The following SPOCK1 variants were observed in gnomAD, a reference collection of about 807,000 sequenced individuals.
SPOCK1 encodes testican-1.
In SPOCK1, 23 loss-of-function variants were observed where a neutral mutation model predicts 55.3. The ratio of observed to expected loss-of-function variants is 0.42; its 90% CI spans 0.30 to 0.59. The LOEUF is 0.59. Ranked by LOEUF, SPOCK1 falls within the 20% of genes least tolerant of loss-of-function variation. The probability of loss-of-function intolerance (pLI) is 0.22; values close to 1 mark genes in which losing one functional copy is unlikely to be tolerated. For missense variants in SPOCK1, 499 were observed against 552.5 expected (o/e 0.90, Z 0.97); for synonymous variants, 226 against 221.0 (o/e 1.02, Z -0.20).
At chr5:137,024,223 G>A (rs1351578655) in intron 6 of SPOCK1, among the ~76,000 whole-genome samples, 5 of 151,032 alleles carry the variant, frequency 3.3e-5, no homozygotes, top group Non-Finnish European at 4.4e-5. Context: ...GAGAGAGTGC[G>A]GCCGAGGGTG....
rs143333860 is a variant in SPOCK1, at chr5:137,281,802, G to A, written c.187-14747C>T. ...ATTATTTGGGAACAATACCGTGTGG[G>A]TTATTGTCGAGCTGCCCATCACAGC... On this transcript the variant is annotated intron_variant, in intron 2 of 10. Transcript: ENST00000394945. Among the ~76,000 whole-genome samples the A allele has an allele frequency of 9.2e-4, 140 of 152,282 alleles. 1 individual carries two copies. Among genetic ancestry groups the A allele is most frequent in the African/African-American group, 3.2e-3 (132 of 41,554 alleles).
chr5:137,476,526 AACATTTT>A lies in SPOCK1; in HGVS notation c.186+21840_186+21846del, dbSNP rs1753840972. Among the ~76,000 whole-genome samples, 6 of 152,350 alleles carry A rather than the reference AACATTTT, an allele frequency of 3.9e-5. No homozygotes were observed. The South Asian group carries it at 1.2e-3, about 32-fold the overall frequency. On this transcript the variant is annotated intron_variant, in intron 2 of 10. Coordinates refer to ENST00000394945, the MANE Select transcript of SPOCK1 (RefSeq NM_004598.4). ...TTGAGACCTTAAGGGAGGGGACCTT[AACATTTT>A]CTAGGGGTGTCAGTGATGTCCTTGG... is the stretch of plus-strand genomic sequence containing the variant.
At chr5:137,286,637 T>C (rs1757272064) in intron 2 of SPOCK1, among the ~76,000 whole-genome samples, 1 of 152,152 alleles carries the variant, frequency 6.6e-6, no homozygotes, top group African/African-American at 2.4e-5. Flanking sequence ...CAGGGGAGAC[T>C]GCAGCCTAGA....
intron 2 of SPOCK1, among the ~76,000 whole-genome samples, chr5:137,458,553 T>G (rs1037412527): frequency 6.6e-6 from 1 of 152,216 alleles, no homozygotes; most frequent in African/African-American, 2.4e-5. Flanking sequence ...GCTTTTATGG[T>G]AAGATATGGT....
chr5:137,164,001 G>A (rs1754604939), intron 3 of SPOCK1, among the ~76,000 whole-genome samples: 1 of 152,110 alleles, frequency 6.6e-6, no homozygotes, highest in African/African-American at 2.4e-5. Context: ...CACCTTGTTT[G>A]AAATGTAAAT....
At chr5:137,126,236 T>C (rs78236176) in intron 4 of SPOCK1, among the ~76,000 whole-genome samples, 6,610 of 152,292 alleles carry the variant, frequency 0.043, 487 homozygotes, top group African/African-American at 0.15. Flanking sequence ...ACCCTTGCCA[T>C]GTGATGCTGC....
chr5:137,129,070 C>T (rs893259282), intron 4 of SPOCK1, among the ~76,000 whole-genome samples: 1 of 152,248 alleles, frequency 6.6e-6, no homozygotes, highest in Non-Finnish European at 1.5e-5. Context: ...CTGAAAGCCA[C>T]ACAAAACATC....
intron 3 of SPOCK1, among the ~76,000 whole-genome samples, chr5:137,253,994 T>C (rs183189878): frequency 1.3e-5 from 2 of 152,226 alleles, no homozygotes; most frequent in East Asian, 3.8e-4. Context: ...TGCCTTGCTA[T>C]GAGAACAGAA....
At chr5:137,334,044 T>G (rs1219956722) in intron 2 of SPOCK1, among the ~76,000 whole-genome samples, 2 of 152,226 alleles carry the variant, frequency 1.3e-5, no homozygotes, top group Middle Eastern at 3.4e-3. Context: ...CCCCATGGAG[T>G]CCTATTCTCT....
Position 137,112,566 on chromosome 5 carries a change from A to G in SPOCK1, c.348-5T>C. ...GCCACGTTCCCCTTCTTTTGCCTAA[A>G]GATGAGAAAAAAGGGGATAAATTAG... is the stretch of plus-strand genomic sequence containing the variant. On this transcript the variant is annotated splice_polypyrimidine_tract_variant and splice_region_variant and intron_variant, in intron 4 of 10. Coordinates refer to ENST00000394945, the MANE Select transcript of SPOCK1 (RefSeq NM_004598.4). The G allele has an allele frequency of 1.2e-6, 2 of 1,612,450 alleles. No individual in the cohort carries two copies. Among genetic ancestry groups the G allele is most frequent in the African/African-American group, 2.7e-5 (2 of 74,834 alleles).
intron 2 of SPOCK1, among the ~76,000 whole-genome samples, chr5:137,345,710 C>A (rs561877996): frequency 6.6e-6 from 1 of 152,274 alleles, no homozygotes; most frequent in Non-Finnish European, 1.5e-5. Context: ...GGGCTGAGCC[C>A]AGGAATGTGT....
intron 6 of SPOCK1, among the ~76,000 whole-genome samples, chr5:137,016,827 G>T (rs1358846821): frequency 4.6e-5 from 7 of 152,238 alleles, no homozygotes; most frequent in Non-Finnish European, 1.0e-4. Context: ...GCCTACTATG[G>T]CCTCACGTTC....
At chr5:137,386,658 C>T (rs1014497007) in intron 2 of SPOCK1, among the ~76,000 whole-genome samples, 2 of 152,084 alleles carry the variant, frequency 1.3e-5, no homozygotes, top group Non-Finnish European at 2.9e-5. Context: ...AAAATTAACT[C>T]AAAATGGATC....
At chr5:137,001,381 A>G (rs2126968985) in intron 6 of SPOCK1, among the ~76,000 whole-genome samples, 1 of 152,372 alleles carries the variant, frequency 6.6e-6, no homozygotes, top group Non-Finnish European at 1.5e-5. Flanking sequence ...GAAGCCATCC[A>G]GCAAGATAGG....
intron 3 of SPOCK1, among the ~76,000 whole-genome samples, chr5:137,257,109 C>T (rs1388190894): frequency 2.0e-5 from 3 of 152,172 alleles, no homozygotes; most frequent in Admixed American, 2.0e-4. Context: ...CTGCATCAGG[C>T]CCATCTTGCT....
intron 2 of SPOCK1, among the ~76,000 whole-genome samples, chr5:137,473,292 AAAGATCTTGAT>A (rs1753774137): frequency 6.6e-6 from 1 of 152,220 alleles, no homozygotes; most frequent in Non-Finnish European, 1.5e-5. Flanking sequence ...AAAGAGTGCG[AAAGATCTTGAT>A]AAATTGCTAT....
intron 3 of SPOCK1, among the ~76,000 whole-genome samples, chr5:137,181,277 T>C (rs551644803): frequency 2.6e-5 from 4 of 152,176 alleles, no homozygotes; most frequent in Non-Finnish European, 5.9e-5. Flanking sequence ...AGTCTGCAGA[T>C]AGAACATGAA....
chr5:137,232,578 C>T (rs751388833), intron 3 of SPOCK1, among the ~76,000 whole-genome samples: 6 of 152,218 alleles, frequency 3.9e-5, no homozygotes, highest in Non-Finnish European at 7.3e-5. Flanking sequence ...GTCTTGATTA[C>T]TGTAGCTATA....
intron 2 of SPOCK1, among the ~76,000 whole-genome samples, chr5:137,470,234 C>G (rs968373715): frequency 5.3e-5 from 8 of 152,184 alleles, no homozygotes; most frequent in African/African-American, 1.7e-4. Context: ...ATATGTTCCA[C>G]AAGAGCAGTG....
Sources: allele counts gnomAD v4.1 joint callset (sites outside exome capture counted in the v4.1 genomes callset), GRCh38; gene constraint gnomAD v4.1.1; transcripts MANE v1.5; gene names NCBI Gene and HGNC (gene_info 2026-07-23, HGNC 2026-07-21).